RASGRP3: variants seen among roughly 807,000 people sequenced by gnomAD.
RASGRP3 encodes RAS guanyl releasing protein 3.
A neutral mutation model predicts 82.7 loss-of-function variants in RASGRP3; 54 were observed. The observed-to-expected ratio is 0.65, with a 90% CI of 0.52 to 0.82. The LOEUF (loss-of-function observed/expected upper bound fraction) is 0.82. Ranked by LOEUF, RASGRP3 falls within the 40% of genes least tolerant of loss-of-function variation. RASGRP3 has a pLI of 0.00. For missense variants in RASGRP3, 861 were observed against 828.9 expected, an observed-to-expected ratio of 1.04 and a Z score of -0.48; for synonymous variants, 309 against 300.5, an observed-to-expected ratio of 1.03 and a Z score of -0.29.
At chr2:33,499,474 C>T (rs1402703507) in intron 1 of RASGRP3, among the ~76,000 whole-genome samples, 3 of 151,930 alleles carry the variant, frequency 2.0e-5, no homozygotes, top group Non-Finnish European at 2.9e-5. Flanking sequence ...GGGAGAATTG[C>T]CTGAACCCAG....
intron 1 of RASGRP3, among the ~76,000 whole-genome samples, chr2:33,442,077 C>G (rs1252727750): frequency 6.6e-6 from 1 of 152,036 alleles, no homozygotes; most frequent in Non-Finnish European, 1.5e-5. Flanking sequence ...TATAGTGTGA[C>G]CCCATTTGCT....
chr2:33,532,321 C>T (rs1011009907), intron 10 of RASGRP3: 1 of 152,218 alleles, frequency 6.6e-6, no homozygotes, highest in Non-Finnish European at 1.5e-5. Context: ...AATTTGTCAT[C>T]ACTGAGCAGT....
intron 2 of RASGRP3, among the ~76,000 whole-genome samples, chr2:33,471,412 C>T (rs1368916213): frequency 1.4e-5 from 2 of 142,290 alleles, no homozygotes; most frequent in Admixed American, 7.4e-5. Context: ...AAACTCCTGG[C>T]TTCAGGTGAT....
chr2:33,469,043 G>A (rs1228790242), intron 2 of RASGRP3, among the ~76,000 whole-genome samples: 2 of 151,878 alleles, frequency 1.3e-5, no homozygotes, highest in Non-Finnish European at 2.9e-5. Context: ...TTTCATCTTT[G>A]TCAAGTTTAT....
At chr2:33,490,559 A>G (rs1250671261) in intron 1 of RASGRP3, among the ~76,000 whole-genome samples, 1 of 152,100 alleles carries the variant, frequency 6.6e-6, no homozygotes, top group Non-Finnish European at 1.5e-5. Flanking sequence ...CGTGCTTTTA[A>G]GTTTTCCTTC....
Position 33,562,928 on chromosome 2 carries a change from A to G in RASGRP3, c.*191A>G. 1 of 690,664 alleles carries G rather than the reference A, an allele frequency of 1.4e-6. No homozygotes were observed. Among genetic ancestry groups the G allele is most frequent in the Non-Finnish European group, 2.4e-6 (1 of 416,282 alleles). 42.8% of individuals were successfully genotyped at this position (690,664 alleles called of 1,614,324 possible). A position where few individuals can be genotyped will look rare whatever the true frequency, so the allele number is the denominator to read the frequency against. On this transcript the variant is annotated 3_prime_UTR_variant, in exon 18 of 18. Transcript: ENST00000403687. ...ATTGACCCTAACTAACTAACTATGA[A>G]CTATTTATTTCCTCCTCCCCTACCC...
In RASGRP3 at chr2:33,515,066, T is replaced by G; in HGVS notation, c.-71T>G. On this transcript the variant is annotated 5_prime_UTR_variant, in exon 3 of 18. Coordinates refer to ENST00000403687, the MANE Select transcript of RASGRP3 (RefSeq NM_001139488.2). ...ACCACTAGGCACTAACATCGCTGAC[T>G]TGCATGATTATGGAGATGGTCTATC... The G allele has an allele frequency of 6.9e-7, 1 of 1,446,324 alleles. No homozygotes were observed. Among genetic ancestry groups the G allele is most frequent in the African/African-American group, 1.4e-5 (1 of 71,544 alleles). The allele number at this position is 1,446,324 out of a possible 1,614,324, so 89.6% of individuals were successfully genotyped here.
intron 1 of RASGRP3, among the ~76,000 whole-genome samples, chr2:33,444,653 A>G (rs1665409780): frequency 6.6e-6 from 1 of 152,250 alleles, no homozygotes; most frequent in African/African-American, 2.4e-5. Flanking sequence ...TTTGAGCTGA[A>G]CATTCTATAT....
intron 1 of RASGRP3, among the ~76,000 whole-genome samples, chr2:33,495,256 C>G (rs1464593424): frequency 1.3e-5 from 2 of 152,182 alleles, no homozygotes; most frequent in Non-Finnish European, 2.9e-5. Flanking sequence ...TTTCCACAGA[C>G]AGGGCAGGGG....
intron 9 of RASGRP3, among the ~76,000 whole-genome samples, chr2:33,526,804 G>A (rs945131953): frequency 1.4e-4 from 22 of 152,140 alleles, no homozygotes; most frequent in Non-Finnish European, 2.6e-4. Flanking sequence ...TTTAATATTC[G>A]ACATGCTTGA....
intron 14 of RASGRP3, among the ~76,000 whole-genome samples, chr2:33,553,595 G>A (rs1675585967): frequency 6.6e-6 from 1 of 151,980 alleles, no homozygotes; most frequent in Admixed American, 6.6e-5. Context: ...TAAAGATCAA[G>A]CTGTGATGAT....
chr2:33,515,233 T>C, intron 3 of RASGRP3, 27 bp downstream of exon 3: 1 of 1,609,868 alleles, frequency 6.2e-7, no homozygotes, highest in Non-Finnish European at 8.5e-7. Flanking sequence ...CTTTCATCTC[T>C]TTTGGATCTC....
intron 12 of RASGRP3, chr2:33,539,472 C>T: frequency 3.1e-6 from 1 of 326,856 alleles, no homozygotes; most frequent in Non-Finnish European, 5.6e-6. Flanking sequence ...TTTGCCACCT[C>T]TGTCATTGTC....
chr2:33,472,631 C>G (rs1180568661), upstream of RASGRP3, among the ~76,000 whole-genome samples: 1 of 152,022 alleles, frequency 6.6e-6, no homozygotes, highest in Non-Finnish European at 1.5e-5. Context: ...CATGGGAGAG[C>G]TTTTCAAGGG....
In RASGRP3 at chr2:33,517,808, A is replaced by G. The variant is rs760439199; in HGVS notation, c.173+1164A>G. On this transcript the variant is annotated intron_variant, in intron 4 of 17. Transcript: ENST00000403687. ...ATTCTCACCCTTAGCATGGCCACCA[A>G]TGCATGAAACACAAATAAAAAGGGA... Among the ~76,000 whole-genome samples, 6 of 152,186 alleles carry G rather than the reference A, an allele frequency of 3.9e-5. No homozygotes were observed. In the South Asian group the frequency reaches 6.2e-4, roughly 16 times the overall value.
At chr2:33,449,293 T>C (rs1225613259) in intron 2 of RASGRP3, among the ~76,000 whole-genome samples, 1 of 152,234 alleles carries the variant, frequency 6.6e-6, no homozygotes, top group African/African-American at 2.4e-5. Context: ...TATATGCATA[T>C]ATGTTTTTTC....
chr2:33,466,515 C>T (rs145859277), intron 2 of RASGRP3, among the ~76,000 whole-genome samples: 2 of 151,992 alleles, frequency 1.3e-5, no homozygotes, highest in African/African-American at 2.4e-5. Context: ...CCTGTCTCTA[C>T]TAAAAATACA....
At chr2:33,534,034 A>T (rs1036081949) in intron 10 of RASGRP3, 3 of 361,824 alleles carry the variant, frequency 8.3e-6, no homozygotes, top group East Asian at 9.3e-5. Flanking sequence ...GCCTGGAAAC[A>T]TCACATATCC....
At chr2:33,454,340 C>A (rs1665938250) in intron 2 of RASGRP3, among the ~76,000 whole-genome samples, 1 of 152,124 alleles carries the variant, frequency 6.6e-6, no homozygotes, top group South Asian at 2.1e-4. Flanking sequence ...TTGATGTAAC[C>A]CTGTAACTAA....
Sources: allele counts gnomAD v4.1 joint callset (sites outside exome capture counted in the v4.1 genomes callset), GRCh38; gene constraint gnomAD v4.1.1; transcripts MANE v1.5; gene names NCBI Gene and HGNC (gene_info 2026-07-23, HGNC 2026-07-21).